The following SDCCAG8 variants were observed in gnomAD, a reference collection of about 807,000 sequenced individuals.
SDCCAG8 encodes SHH signaling and ciliogenesis regulator SDCCAG8, also known as serologically defined colon cancer antigen 8.
In SDCCAG8, 74 loss-of-function variants were observed where a neutral mutation model predicts 101.8. The ratio of observed to expected loss-of-function variants is 0.73; its 90% CI spans 0.60 to 0.88. The LOEUF (loss-of-function observed/expected upper bound fraction) is 0.88, where lower values mean the gene tolerates loss of function less well. Among genes scored for constraint, SDCCAG8 ranks in the 40% least tolerant of loss-of-function variants. The probability of loss-of-function intolerance (pLI) is 0.00; values close to 1 mark genes in which losing one functional copy is unlikely to be tolerated. For synonymous variants in SDCCAG8, 281 were observed against 292.9 expected, an observed-to-expected ratio of 0.96 and a Z score of 0.41; for missense variants, 787 against 822.6, an observed-to-expected ratio of 0.96 and a Z score of 0.53.
At chr1:243,279,317 T>A (rs997991359) in intron 4 of SDCCAG8, among the ~76,000 whole-genome samples, 1 of 152,214 alleles carries the variant, frequency 6.6e-6, no homozygotes, top group African/African-American at 2.4e-5. Flanking sequence ...CGACTTAAAA[T>A]GGGATTGCGT....
intron 16 of SDCCAG8, among the ~76,000 whole-genome samples, chr1:243,461,343 G>A (rs987722967): frequency 1.3e-5 from 2 of 152,226 alleles, no homozygotes; most frequent in African/African-American, 4.8e-5. Context: ...CAAAGGGAGA[G>A]TACATTGGGT....
At chr1:243,330,451 T>A in intron 9 of SDCCAG8, 89 bp from the exon 10 acceptor site, 1 of 1,384,344 alleles carries the variant, frequency 7.2e-7, no homozygotes, top group South Asian at 1.2e-5. Context: ...TTTTTGCTAT[T>A]TTAAATATAC....
chr1:243,299,296 T>C (rs2071260872), intron 6 of SDCCAG8, among the ~76,000 whole-genome samples: 1 of 152,248 alleles, frequency 6.6e-6, no homozygotes, highest in Non-Finnish European at 1.5e-5. Flanking sequence ...TGGTATATCT[T>C]TTCCCTCCTT....
chr1:243,461,240 G>A (rs936526873), intron 16 of SDCCAG8, among the ~76,000 whole-genome samples: 4 of 152,156 alleles, frequency 2.6e-5, no homozygotes, highest in Non-Finnish European at 4.4e-5. Context: ...TGCCATTTGC[G>A]ATGCACACAT....
chr1:243,313,205 T>G (rs1425087034), intron 8 of SDCCAG8, among the ~76,000 whole-genome samples: 1 of 152,116 alleles, frequency 6.6e-6, no homozygotes, highest in African/African-American at 2.4e-5. Flanking sequence ...AACAAAGAAA[T>G]GTTGTAGTCA....
chr1:243,362,064 T>C (rs1282431607), intron 12 of SDCCAG8, among the ~76,000 whole-genome samples: 1 of 140,096 alleles, frequency 7.1e-6, no homozygotes. Flanking sequence ...GGTGAAGAGA[T>C]GGCCAAGTGA....
chr1:243,499,599 G>A (rs888490436), intron 17 of SDCCAG8, 157 bp from the exon 18 acceptor site: 34 of 692,940 alleles, frequency 4.9e-5, no homozygotes, highest in Non-Finnish European at 7.3e-5. Flanking sequence ...GACAAGATGA[G>A]GCACAAACTT....
At chr1:243,498,451 CGAG>C (rs1403858252) in intron 17 of SDCCAG8, among the ~76,000 whole-genome samples, 10 of 152,116 alleles carry the variant, frequency 6.6e-5, no homozygotes, top group African/African-American at 2.4e-4. Context: ...GGCAGGTTTA[CGAG>C]GAGGAGTGAG....
At chr1:243,434,053 A>G (rs1016791161) in intron 16 of SDCCAG8, among the ~76,000 whole-genome samples, 3 of 152,196 alleles carry the variant, frequency 2.0e-5, no homozygotes, top group Admixed American at 6.5e-5. Flanking sequence ...CTTCATTTTC[A>G]AATGCTGCTC....
At chr1:243,480,027 C>G (rs1281223077) in intron 16 of SDCCAG8, among the ~76,000 whole-genome samples, 1 of 151,550 alleles carries the variant, frequency 6.6e-6, no homozygotes, top group Non-Finnish European at 1.5e-5. Context: ...CAGTCTCAGG[C>G]TTAAGGTAAA....
intron 8 of SDCCAG8, among the ~76,000 whole-genome samples, chr1:243,309,831 G>C (rs1018918299): frequency 6.6e-6 from 1 of 151,948 alleles, no homozygotes; most frequent in Admixed American, 6.6e-5. Context: ...AGAATTTCCA[G>C]TGTGGACTGA....
At chr1:243,437,420 A>T (rs1010130048) in intron 16 of SDCCAG8, among the ~76,000 whole-genome samples, 6 of 152,024 alleles carry the variant, frequency 3.9e-5, no homozygotes, top group Non-Finnish European at 8.8e-5. Context: ...TAAACCCAGG[A>T]TGCTCTCTGT....
intron 16 of SDCCAG8, among the ~76,000 whole-genome samples, chr1:243,427,123 T>G (rs1573979876): frequency 6.6e-6 from 1 of 152,192 alleles, no homozygotes; most frequent in Non-Finnish European, 1.5e-5. Flanking sequence ...GATGGAAAGA[T>G]CAAATATAAT....
intron 13 of SDCCAG8, among the ~76,000 whole-genome samples, chr1:243,402,061 A>G (rs563935420): frequency 2.0e-5 from 3 of 152,332 alleles, no homozygotes; most frequent in Non-Finnish European, 2.9e-5. Flanking sequence ...GTGCTGTCCA[A>G]TAGAAATACA....
At chr1:243,370,632 C>G (rs756051099) in intron 12 of SDCCAG8, among the ~76,000 whole-genome samples, 2 of 152,056 alleles carry the variant, frequency 1.3e-5, no homozygotes, top group African/African-American at 2.4e-5. Flanking sequence ...AAATTCTTCT[C>G]TTCTTTAGAC....
chr1:243,484,774 G>A (rs934952258), intron 16 of SDCCAG8, among the ~76,000 whole-genome samples: 8 of 152,158 alleles, frequency 5.3e-5, no homozygotes, highest in Admixed American at 2.0e-4. Flanking sequence ...GGCCGGGCGC[G>A]GTGGCTCACG....
chr1:243,488,924 T>A (rs560441877), intron 16 of SDCCAG8, 90 bp from the exon 17 acceptor site: 30 of 1,594,984 alleles, frequency 1.9e-5, no homozygotes, highest in Non-Finnish European at 2.5e-5. Context: ...TGGTTCCCTA[T>A]CAGGGGCTTC....
chr1:243,457,242 T>A (rs1011834525), intron 16 of SDCCAG8, among the ~76,000 whole-genome samples: 2 of 152,190 alleles, frequency 1.3e-5, no homozygotes, highest in African/African-American at 4.8e-5. Flanking sequence ...ATTCTGTTGA[T>A]CCTGAAGCCA....
chr1:243,431,329 G>A (rs1373773691), intron 16 of SDCCAG8, among the ~76,000 whole-genome samples: 1 of 152,208 alleles, frequency 6.6e-6, no homozygotes, highest in Non-Finnish European at 1.5e-5. Context: ...AGAACCAGCA[G>A]GAGTTACTTG....
Sources: gnomAD v4.1 joint callset for allele counts (sites outside exome capture counted in the v4.1 genomes callset) on GRCh38, gnomAD v4.1.1 for gene constraint, MANE v1.5 for transcripts, NCBI Gene and HGNC (gene_info 2026-07-23, HGNC 2026-07-21) for gene names.